The following NPAS3 variants were observed in gnomAD, a reference collection of about 807,000 sequenced individuals.
The protein encoded by NPAS3 is neuronal PAS domain-containing protein 3.
Under a neutral mutation model 73.1 loss-of-function variants are expected in NPAS3, and 14 were observed. The ratio of observed to expected loss-of-function variants is 0.19; its 90% CI spans 0.13 to 0.30. The LOEUF (loss-of-function observed/expected upper bound fraction) is 0.30. NPAS3 is among the 10% of genes least tolerant of loss of function. NPAS3 has a pLI of 1.00. For missense variants in NPAS3, 1,096 were observed against 1,250.0 expected, an observed-to-expected ratio of 0.88 and a Z score of 1.86; for synonymous variants, 620 against 541.5, an observed-to-expected ratio of 1.14 and a Z score of -2.01.
At chr14:32,984,991 TCC>T (rs557900914) in intron 1 of NPAS3, among the ~76,000 whole-genome samples, 310 of 152,304 alleles carry the variant, frequency 2.0e-3, no homozygotes, top group African/African-American at 6.9e-3. Flanking sequence ...ACTAATTAAG[TCC>T]TGGGTATAAT....
intron 2 of NPAS3, among the ~76,000 whole-genome samples, chr14:33,087,509 T>G (rs1480487985): frequency 6.6e-6 from 1 of 152,042 alleles, no homozygotes; most frequent in African/African-American, 2.4e-5. Flanking sequence ...CTATAAAAAA[T>G]AGATTCATGT....
At chr14:33,393,311 G>A (rs17100963) in intron 4 of NPAS3, among the ~76,000 whole-genome samples, 18,988 of 152,094 alleles carry the variant, frequency 0.12, 1,532 homozygotes, top group East Asian at 0.38. Context: ...AATTCCTTAC[G>A]AACACAGTTA....
chr14:33,179,781 A>G (rs2045724998), intron 2 of NPAS3, among the ~76,000 whole-genome samples: 1 of 152,240 alleles, frequency 6.6e-6, no homozygotes, highest in Admixed American at 6.5e-5. Flanking sequence ...AATGGATGGG[A>G]AAAATATTAA....
chr14:33,634,783 C>T (rs912976943), intron 5 of NPAS3, among the ~76,000 whole-genome samples: 1 of 152,096 alleles, frequency 6.6e-6, no homozygotes, highest in East Asian at 1.9e-4. Context: ...TGGGAATGTC[C>T]ACGGCTGTGA....
intron 6 of NPAS3, chr14:33,680,574 C>G (rs1194427077): frequency 4.3e-6 from 3 of 702,118 alleles, no homozygotes; most frequent in Admixed American, 2.0e-5. Flanking sequence ...TCATGTTTCT[C>G]TAAGATAAAA....
At chr14:33,621,219 A>C (rs1298997767) in intron 5 of NPAS3, among the ~76,000 whole-genome samples, 1 of 152,234 alleles carries the variant, frequency 6.6e-6, no homozygotes, top group Non-Finnish European at 1.5e-5. Flanking sequence ...CTTGAAACAT[A>C]CTTTATGAGG....
intron 1 of NPAS3, among the ~76,000 whole-genome samples, chr14:33,026,995 G>A (rs2039827780): frequency 6.6e-6 from 1 of 152,130 alleles, no homozygotes. Context: ...TGCCAGCTCA[G>A]GGAAAGGGGT....
rs565275384 is a variant in NPAS3, at chr14:33,263,907, C to G, written c.385+48481C>G. On this transcript the variant is annotated intron_variant, in intron 3 of 11. Coordinates refer to ENST00000356141, the Ensembl canonical transcript of NPAS3. ...AATTGCAAATGACCATTTGACCCAG[C>G]CATCCCATTACTGGGTATATACCCA... Among the ~76,000 whole-genome samples, 6 of 152,246 alleles carry G rather than the reference C, an allele frequency of 3.9e-5. No individual in the cohort carries two copies. In the South Asian group the frequency reaches 1.2e-3, roughly 32 times the overall value.
intron 4 of NPAS3, among the ~76,000 whole-genome samples, chr14:33,406,589 C>A (rs150949145): frequency 5.1e-4 from 77 of 152,236 alleles, no homozygotes; most frequent in African/African-American, 1.8e-3. Flanking sequence ...ATGCCTCCAC[C>A]TTTACCAAAA....
chr14:33,396,184 T>C (rs867349740), intron 4 of NPAS3, among the ~76,000 whole-genome samples: 14 of 152,262 alleles, frequency 9.2e-5, no homozygotes, highest in Admixed American at 6.5e-4. Flanking sequence ...TCTGGCAATA[T>C]CTATAATGAA....
At chr14:33,710,599 G>A (rs1470650771) in intron 6 of NPAS3, among the ~76,000 whole-genome samples, 1 of 152,148 alleles carries the variant, frequency 6.6e-6, no homozygotes, top group African/African-American at 2.4e-5. Context: ...GCTCCTGACT[G>A]CTCTCTGCTG....
intron 3 of NPAS3, among the ~76,000 whole-genome samples, chr14:33,321,756 T>C (rs2043457639): frequency 6.6e-6 from 1 of 152,086 alleles, no homozygotes; most frequent in Non-Finnish European, 1.5e-5. Context: ...GTCTCTAATA[T>C]AAGTCACTAT....
intron 5 of NPAS3, among the ~76,000 whole-genome samples, chr14:33,639,239 A>G (rs1033846177): frequency 2.6e-5 from 4 of 152,148 alleles, no homozygotes; most frequent in African/African-American, 9.7e-5. Flanking sequence ...GGCTCAATAA[A>G]TCAGCAAAGG....
rs77572528 is a variant in NPAS3 at position 33,086,880 on chromosome 14, C to A, written c.140+30886C>A. On this transcript the variant is annotated intron_variant, in intron 2 of 11. Transcript: ENST00000356141. The stretch of plus-strand genomic sequence containing the variant: ...TCTTTTAATTTGCTAATTCTCCATG[C>A]ATTGCACAAGATTCTGGCATTACCT... Among the ~76,000 whole-genome samples, 12 of 152,022 alleles carry A rather than the reference C, an allele frequency of 7.9e-5. No homozygotes were observed. In the East Asian group the frequency reaches 2.1e-3, roughly 27 times the overall value.
intron 3 of NPAS3, among the ~76,000 whole-genome samples, chr14:33,273,752 T>C (rs1188102636): frequency 6.6e-6 from 1 of 152,178 alleles, no homozygotes; most frequent in Non-Finnish European, 1.5e-5. Flanking sequence ...CCCTAGATTG[T>C]AACTACCTGA....
chr14:33,119,760 A>G (rs1277885237), intron 2 of NPAS3, among the ~76,000 whole-genome samples: 1 of 151,988 alleles, frequency 6.6e-6, no homozygotes, highest in Non-Finnish European at 1.5e-5. Context: ...TTCACGCCCT[A>G]CTCCCGCATT....
At chr14:33,501,630 GTT>G (rs537009195) in intron 4 of NPAS3, among the ~76,000 whole-genome samples, 12 of 138,490 alleles carry the variant, frequency 8.7e-5, no homozygotes, top group Admixed American at 7.2e-5. Flanking sequence ...ATCTGGATTT[GTT>G]TTTTTTTTTT....
chr14:33,551,634 A>T (rs1234162838), intron 4 of NPAS3, among the ~76,000 whole-genome samples: 2 of 151,848 alleles, frequency 1.3e-5, no homozygotes, highest in Non-Finnish European at 2.9e-5. Context: ...TGAATGAAAA[A>T]CTCTGGGACA....
At chr14:33,308,531 T>TATATATAC (rs1349895303) in intron 3 of NPAS3, among the ~76,000 whole-genome samples, 3 of 116,006 alleles carry the variant, frequency 2.6e-5, no homozygotes, top group East Asian at 2.7e-4. Flanking sequence ...TATATATACA[T>TATATATAC]ACACACACAC....
Sources: gnomAD v4.1 joint callset for allele counts (sites outside exome capture counted in the v4.1 genomes callset) on GRCh38, gnomAD v4.1.1 for gene constraint, MANE v1.5 for transcripts, NCBI Gene and HGNC (gene_info 2026-07-23, HGNC 2026-07-21) for gene names.